Variants in HIP1 observed in about 807,000 individuals in gnomAD.
HIP1 encodes the protein huntingtin interacting protein 1.
A neutral mutation model predicts 147.6 loss-of-function variants in HIP1; 65 were observed. The observed-to-expected ratio is 0.44, with a 90% CI of 0.36 to 0.54. The LOEUF (loss-of-function observed/expected upper bound fraction) is 0.54, where lower values mean the gene tolerates loss of function less well. Among genes scored for constraint, HIP1 ranks in the 20% least tolerant of loss-of-function variants. HIP1 has a pLI of 0.00. For synonymous variants in HIP1, 479 were observed against 504.0 expected, an observed-to-expected ratio of 0.95 and a Z score of 0.67; for missense variants, 1,061 against 1,299.6, an observed-to-expected ratio of 0.82 and a Z score of 2.82.
Position 75,554,524 on chromosome 7 carries a change from G to C in HIP1, c.1966C>G (p.His656Asp). 1 of 1,612,914 alleles carries C rather than the reference G, an allele frequency of 6.2e-7. No homozygotes were observed. The highest frequency in any genetic ancestry group is 1.1e-5 in the South Asian group (1 of 91,012). The change falls in exon 20 of 31, where the codon CAC becomes GAC. Residue 656 changes from histidine (H) to aspartate (D), a missense_variant and splice_region_variant. Around this residue, in one of 3 missense-constraint regions of HIP1, gnomAD observed 810 missense variants for 946.8 expected, o/e 0.86. Transcript: ENST00000336926. ...ATGGATGTGACCGTGGAGAGGAGGT[G>C]ATCTGTGAGAGGGAACACAGGGCAA... is the stretch of plus-strand genomic sequence containing the variant. ...PLISCAGSADHLLSTVTSISS... is the reference protein window; with the variant it reads ...PLISCAGSADDLLSTVTSISS...
chr7:75,559,590 TA>T, intron 14 of HIP1, 141 bp downstream of exon 14: 2 of 710,736 alleles, frequency 2.8e-6, no homozygotes, highest in Non-Finnish European at 4.6e-6. Flanking sequence ...GGACTGAGGC[TA>T]AGAGCTGGCA....
At chr7:75,622,339 A>G (rs587749498) in intron 1 of HIP1, among the ~76,000 whole-genome samples, 1 of 152,136 alleles carries the variant, frequency 6.6e-6, no homozygotes, top group South Asian at 2.1e-4. Context: ...AGAGTGGATA[A>G]GAGCACCAAG....
At chr7:75,577,274 G>C (rs2116905485) in intron 7 of HIP1, among the ~76,000 whole-genome samples, 1 of 142,578 alleles carries the variant, frequency 7.0e-6, no homozygotes, top group South Asian at 2.3e-4. Flanking sequence ...CAAGGCTGCA[G>C]TGAGCTATGA....
rs1352756000 is a variant in HIP1 at position 75,534,436 on chromosome 7, TCTC to T, written c.*3733_*3735del. On this transcript the variant is annotated 3_prime_UTR_variant, in exon 31 of 31. Coordinates refer to ENST00000336926, the MANE Select transcript of HIP1 (RefSeq NM_005338.7). ...TCTCTTCTATTTCTTTCTCTCTCTC[TCTC>T]TTTTTTTTTTTTGAGATGGAGTCTC... The T allele has an allele frequency of 3.1e-4, 56 of 182,222 alleles. No homozygotes were observed. Among genetic ancestry groups the T allele is most frequent in the African/African-American group, 1.3e-3 (52 of 38,902 alleles). 11.3% of individuals were successfully genotyped at this position (182,222 alleles called of 1,614,324 possible).
chr7:75,598,539 G>A (rs917076798), intron 2 of HIP1, among the ~76,000 whole-genome samples: 1 of 151,668 alleles, frequency 6.6e-6, no homozygotes, highest in Non-Finnish European at 1.5e-5. Context: ...GGAGGGCTTT[G>A]AATATAGGTG....
intron 2 of HIP1, among the ~76,000 whole-genome samples, chr7:75,595,280 C>CTT: frequency 8.9e-6 from 1 of 112,918 alleles, no homozygotes; most frequent in East Asian, 2.2e-4. Flanking sequence ...TCCTTCCTTC[C>CTT]TTCCTTTCTT....
intron 27 of HIP1, among the ~76,000 whole-genome samples, chr7:75,544,320 C>G (rs187053856): frequency 6.6e-6 from 1 of 152,152 alleles, no homozygotes; most frequent in Non-Finnish European, 1.5e-5. Context: ...TACTATCTAA[C>G]CTAGCCAAGT....
chr7:75,738,656 G>A, intron 1 of HIP1, 145 bp downstream of exon 1: 2 of 1,063,906 alleles, frequency 1.9e-6, no homozygotes, highest in Admixed American at 4.9e-5. Flanking sequence ...GGATCGCCCA[G>A]ATCTGCACGT....
intron 1 of HIP1, among the ~76,000 whole-genome samples, chr7:75,715,967 C>A (rs1272880247): frequency 6.6e-6 from 1 of 151,806 alleles, no homozygotes; most frequent in Non-Finnish European, 1.5e-5. Flanking sequence ...GAGAGCCAGG[C>A]TCTTTTAAAC....
chr7:75,575,130 C>G (rs1402460658), intron 7 of HIP1, among the ~76,000 whole-genome samples: 9 of 151,072 alleles, frequency 6.0e-5, no homozygotes, highest in African/African-American at 2.2e-4. Context: ...TGCACTCCAG[C>G]CTGGGCGACA....
intron 1 of HIP1, among the ~76,000 whole-genome samples, chr7:75,607,277 T>C (rs1166245755): frequency 6.8e-6 from 1 of 147,000 alleles, no homozygotes. Context: ...TTGCCCAGGC[T>C]GGAGTGCAGT....
At chr7:75,643,712 G>C (rs1742686531) in intron 1 of HIP1, among the ~76,000 whole-genome samples, 1 of 152,120 alleles carries the variant, frequency 6.6e-6, no homozygotes, top group Non-Finnish European at 1.5e-5. Flanking sequence ...AGAAATAATA[G>C]GGTATGGCTG....
rs570707820 is a variant in HIP1 at position 75,668,075 on chromosome 7, G to A, written c.121-68828C>T. 2.8e-5 allele frequency among the ~76,000 whole-genome samples: 4 copies of A among 142,192 alleles called. No homozygotes were observed. In the East Asian group the frequency reaches 8.2e-4, roughly 29 times the overall value. The allele number at this position is 142,192 out of a possible 152,430, so 93.3% of individuals were successfully genotyped here. On this transcript the variant is annotated intron_variant, in intron 1 of 30. Coordinates refer to ENST00000336926, the MANE Select transcript of HIP1 (RefSeq NM_005338.7). ...TGGATTTCCTGTTCCAGGGCTCCAC[G>A]ATTTTCCTAGAAGCCAAGGCCATGA... is the stretch of plus-strand genomic sequence containing the variant.
chr7:75,543,479 G>C (rs1794412469), intron 27 of HIP1, among the ~76,000 whole-genome samples: 1 of 152,072 alleles, frequency 6.6e-6, no homozygotes, highest in East Asian at 1.9e-4. Flanking sequence ...AGCCTCCCAA[G>C]CAGCTGGGAT....
In HIP1 at chr7:75,723,970, A is replaced by AG. The variant is rs1554522068; in HGVS notation, c.120+14830_120+14831insC. On this transcript the variant is annotated intron_variant, in intron 1 of 30. Transcript: ENST00000336926. ...TATATAGAGAGAGAGAGAGAGAGAG[A>AG]AAGAGAGACAGAGTCTCGCTCTGTC... 3.7e-4 allele frequency among the ~76,000 whole-genome samples: 55 copies of AG among 149,230 alleles called. 1 individual carries two copies. The East Asian group carries it at 0.011, about 29-fold the overall frequency.
intron 1 of HIP1, among the ~76,000 whole-genome samples, chr7:75,703,970 G>C (rs962799800): frequency 2.0e-5 from 3 of 152,096 alleles, no homozygotes; most frequent in Admixed American, 2.0e-4. Context: ...CCAGGGCCCC[G>C]GGCCTGGGCT....
chr7:75,676,992 C>T (rs1413759795), intron 1 of HIP1, among the ~76,000 whole-genome samples: 1 of 151,716 alleles, frequency 6.6e-6, no homozygotes, highest in Non-Finnish European at 1.5e-5. Context: ...GTCAGGAGTT[C>T]AAGACTATCC....
intron 11 of HIP1, 121 bp from the exon 12 acceptor site, chr7:75,562,291 AT>A (rs1442155648): frequency 4.7e-6 from 3 of 641,312 alleles, no homozygotes; most frequent in Non-Finnish European, 8.2e-6. Context: ...GACCTGTTTA[AT>A]TTTTTTAATT....
intron 1 of HIP1, among the ~76,000 whole-genome samples, chr7:75,712,945 C>T (rs1554520235): frequency 6.6e-6 from 1 of 152,236 alleles, no homozygotes. Flanking sequence ...TACTCAATTA[C>T]TCACATATTC....
Sources: gnomAD v4.1 joint callset for allele counts (sites outside exome capture counted in the v4.1 genomes callset) on GRCh38, gnomAD v4.1.1 for gene constraint, gnomAD v4.1.1 regional missense constraint, MANE v1.5 for transcripts, NCBI Gene and HGNC (gene_info 2026-07-23, HGNC 2026-07-21) for gene names.